Variants in ZNF354A observed in about 807,000 individuals in gnomAD.
ZNF354A encodes epididymis luminal protein 104.
ZNF354A carries 25 observed loss-of-function variants against 53.3 expected under a neutral mutation model. That is an observed-to-expected ratio of 0.47 (90% CI 0.34 to 0.66). The LOEUF (loss-of-function observed/expected upper bound fraction) is 0.66. ZNF354A is among the 30% of genes least tolerant of loss of function. The pLI, the probability that ZNF354A is intolerant of heterozygous loss-of-function variation, is 0.01. For synonymous variants in ZNF354A, 228 were observed against 249.0 expected, an observed-to-expected ratio of 0.92 and a Z score of 0.79; for missense variants, 586 against 716.8, an observed-to-expected ratio of 0.82 and a Z score of 2.08.
intron 4 of ZNF354A, among the ~76,000 whole-genome samples, chr5:178,723,818 T>G (rs1765855297): frequency 6.7e-6 from 1 of 150,284 alleles, no homozygotes; most frequent in African/African-American, 2.4e-5. Context: ...CCACTCTCAG[T>G]CCCCCACTGC....
In ZNF354A at chr5:178,712,241, C is replaced by G; in HGVS notation, c.1637G>C (p.Gly546Ala). ...ALIQHRRIHT[G>A]EKPFKCNTCG... ...TGTATTACATTTAAAGGGTTTTTCT[C>G]CTGTATGAATCCTTCGATGCTGAAT... Residue 546 changes from glycine to alanine, a missense_variant, in exon 5 of 5, where the codon GGA becomes GCA. Gly to Ala is a moderately conservative substitution (Grantham distance 60). Transcript: ENST00000335815. 1 of 1,614,000 alleles carries G rather than the reference C, an allele frequency of 6.2e-7. No individual in the cohort carries two copies. The highest frequency in any genetic ancestry group is 8.5e-7 in the Non-Finnish European group (1 of 1,179,976).
In ZNF354A at chr5:178,711,828, A is replaced by G. The variant is rs1765622330; in HGVS notation, c.*232T>C. On this transcript the variant is annotated 3_prime_UTR_variant, in exon 5 of 5. Transcript: ENST00000335815. ...CCCATTTCACAAATGGCTAAAGTCAATGTCTTCAATTGTAAATTCTTCATC... is the reference window on the plus strand; with the variant it reads ...CCCATTTCACAAATGGCTAAAGTCAGTGTCTTCAATTGTAAATTCTTCATC... 2.3e-6 allele frequency: 1 copy of G among 436,828 alleles called. No individual in the cohort carries two copies. The highest frequency in any genetic ancestry group is 2.0e-5 in the African/African-American group (1 of 49,886). 27.1% of individuals were successfully genotyped at this position (436,828 alleles called of 1,614,324 possible).
At chr5:178,715,811 C>G (rs1765698965) in intron 4 of ZNF354A, among the ~76,000 whole-genome samples, 1 of 152,102 alleles carries the variant, frequency 6.6e-6, no homozygotes, top group Non-Finnish European at 1.5e-5. Context: ...ATTTTGTTTG[C>G]CATGCATTAC....
intron 2 of ZNF354A, among the ~76,000 whole-genome samples, chr5:178,728,707 G>T (rs1426124239): frequency 6.9e-6 from 1 of 145,884 alleles, no homozygotes; most frequent in African/African-American, 2.6e-5. Flanking sequence ...TGAGGCAGGA[G>T]AATTGCTTCA....
chr5:178,712,315 T>A lies in ZNF354A; in HGVS notation c.1563A>T (p.Pro521=). 1 of 1,614,140 alleles carries A rather than the reference T, an allele frequency of 6.2e-7. No homozygotes were observed. Among genetic ancestry groups the A allele is most frequent in the Non-Finnish European group, 8.5e-7 (1 of 1,180,000 alleles). ...NHQRIHTGEK[P]YRCEECGISF... ...ATATCCCACATTCCTCACATCGATATGGTTTCTCTCCAGTATGAATTCTCT... is the reference window on the plus strand; with the variant it reads ...ATATCCCACATTCCTCACATCGATAAGGTTTCTCTCCAGTATGAATTCTCT... Residue 521 remains proline, a synonymous_variant, in exon 5 of 5, where the codon CCA becomes CCT. Coordinates refer to ENST00000335815, the MANE Select transcript of ZNF354A (RefSeq NM_005649.3).
At chr5:178,721,150 C>A (rs1413809429) in intron 4 of ZNF354A, among the ~76,000 whole-genome samples, 2 of 150,606 alleles carry the variant, frequency 1.3e-5, no homozygotes, top group African/African-American at 4.9e-5. Context: ...CCTTTTTTTT[C>A]TTTTGCTTTT....
chr5:178,728,458 TACACAAAC>T, intron 2 of ZNF354A, among the ~76,000 whole-genome samples: 1 of 151,924 alleles, frequency 6.6e-6, no homozygotes, highest in Admixed American at 6.6e-5. Context: ...GTAACATGCA[TACACAAAC>T]ACACACACAC....
intron 2 of ZNF354A, among the ~76,000 whole-genome samples, chr5:178,728,632 G>GCA (rs1400148926): frequency 3.3e-4 from 45 of 136,314 alleles, no homozygotes; most frequent in Admixed American, 5.1e-4. Context: ...TCTAATAAAA[G>GCA]CACAAAAAAA....
intron 4 of ZNF354A, among the ~76,000 whole-genome samples, chr5:178,720,052 GGTAGTACTGCCTATTT>G (rs1413978033): frequency 6.6e-6 from 1 of 152,236 alleles, no homozygotes; most frequent in Non-Finnish European, 1.5e-5. Context: ...CCATGATGGG[GGTAGTACTGCCTATTT>G]GTAAACATCC....
intron 1 of ZNF354A, among the ~76,000 whole-genome samples, chr5:178,729,575 G>T (rs1448873066): frequency 4.6e-5 from 7 of 151,132 alleles, no homozygotes; most frequent in African/African-American, 1.7e-4. Flanking sequence ...TTTTGAGGCG[G>T]AGTCTCGCTC....
Position 178,712,070 on chromosome 5 carries a change from T to C in ZNF354A, c.1808A>G (p.Glu603Gly). ...ATACAAATCTACTTTCTAGGGGTCC[T>C]CTTCGATATGAATTTTATAATGATT... ...LTNHYKIHIE[E>G]DP The change falls in exon 5 of 5, where the codon GAG becomes GGG. Residue 603 changes from glutamate (E) to glycine (G), a missense_variant. Physicochemically the swap from Glu to Gly is moderately conservative, Grantham distance 98. Transcript: ENST00000335815. The C allele has an allele frequency of 6.3e-7, 1 of 1,592,152 alleles. No individual in the cohort carries two copies. Among genetic ancestry groups the C allele is most frequent in the Non-Finnish European group, 8.6e-7 (1 of 1,168,982 alleles).
Position 178,713,510 on chromosome 5 carries a change from T to C in ZNF354A, c.368A>G (p.Glu123Gly), listed in dbSNP as rs758596621. 5.6e-6 allele frequency: 9 copies of C among 1,613,726 alleles called. No individual in the cohort carries two copies. The East Asian group carries it at 6.7e-5, about 12-fold the overall frequency. The stretch of plus-strand genomic sequence containing the variant: ...TCTGCCTTCATATATGTAAGGCTTT[T>C]CTAATTTCAAATCCCAAGGTACATT... ...NRNVPWDLKL[E>G]KPYIYEGRLE... The change falls in exon 5 of 5, where the codon GAA becomes GGA. Residue 123 changes from glutamate (E) to glycine (G), a missense_variant. Glu to Gly is a moderately conservative substitution (Grantham distance 98, BLOSUM62 -2). Around this residue, in one of 2 missense-constraint regions of ZNF354A, gnomAD observed 573 missense variants for 680.1 expected, o/e 0.84. Transcript: ENST00000335815.
intron 4 of ZNF354A, among the ~76,000 whole-genome samples, chr5:178,722,984 G>T (rs2113879577): frequency 6.6e-6 from 1 of 152,334 alleles, no homozygotes; most frequent in South Asian, 2.1e-4. Context: ...CAGGGCAGAG[G>T]CCCTGAGTGG....
At position 178,724,227 on chromosome 5, in the gene ZNF354A, C is replaced by CTT. The variant is rs768708878; in HGVS notation, c.256+1147_256+1148dup. ...GCAATCGCTCTGCAAGGCTTCCCGC[C>CTT]TTTTTTTTTTTTTTTAAGACAGAGT... On this transcript the variant is annotated intron_variant, in intron 4 of 4. Coordinates refer to ENST00000335815, the MANE Select transcript of ZNF354A (RefSeq NM_005649.3). Among the ~76,000 whole-genome samples the CTT allele has an allele frequency of 6.3e-3, 907 of 143,468 alleles. 8 individuals carry two copies. Among genetic ancestry groups the CTT allele is most frequent in the African/African-American group, 0.022 (861 of 39,128 alleles). The allele number at this position is 143,468 out of a possible 152,430, so 94.1% of individuals were successfully genotyped here.
At chr5:178,720,233 C>A (rs1476445292) in intron 4 of ZNF354A, among the ~76,000 whole-genome samples, 1 of 152,204 alleles carries the variant, frequency 6.6e-6, no homozygotes, top group African/African-American at 2.4e-5. Context: ...CAATAACCAG[C>A]AACACTATTC....
At chr5:178,714,945 A>G (rs1034605282) in intron 4 of ZNF354A, among the ~76,000 whole-genome samples, 1 of 152,242 alleles carries the variant, frequency 6.6e-6, no homozygotes, top group Non-Finnish European at 1.5e-5. Context: ...CCTAGAGCCA[A>G]GAGGTGCAAG....
At chr5:178,729,853 A>C (rs1765994990) in intron 1 of ZNF354A, among the ~76,000 whole-genome samples, 1 of 141,336 alleles carries the variant, frequency 7.1e-6, no homozygotes, top group Non-Finnish European at 1.5e-5. Flanking sequence ...GACCCCATGT[A>C]TCCCATTTCT....
chr5:178,726,727 A>C (rs1765915767), intron 3 of ZNF354A, among the ~76,000 whole-genome samples: 1 of 152,232 alleles, frequency 6.6e-6, no homozygotes, highest in Non-Finnish European at 1.5e-5. Flanking sequence ...TCGTTGGGAA[A>C]CGATGCCTGA....
chr5:178,720,028 G>A lies in ZNF354A; in HGVS notation c.256+5348C>T, dbSNP rs762830495. 5.8e-4 allele frequency among the ~76,000 whole-genome samples: 89 copies of A among 152,340 alleles called. 1 individual carries two copies. Among genetic ancestry groups the A allele is most frequent in the South Asian group, 2.1e-3 (10 of 4,834 alleles). On this transcript the variant is annotated intron_variant, in intron 4 of 4. Coordinates refer to ENST00000335815, the MANE Select transcript of ZNF354A (RefSeq NM_005649.3). ...GAGAACTCAAGGAGCAATCTGCTGGGAACTGCACATAAACCATGATGGGGG... is the reference window on the plus strand; with the variant it reads ...GAGAACTCAAGGAGCAATCTGCTGGAAACTGCACATAAACCATGATGGGGG...
Sources: gnomAD v4.1 joint callset for allele counts (sites outside exome capture counted in the v4.1 genomes callset) on GRCh38, gnomAD v4.1.1 for gene constraint, gnomAD v4.1.1 regional missense constraint, MANE v1.5 for transcripts, NCBI Gene and HGNC (gene_info 2026-07-23, HGNC 2026-07-21) for gene names.